PCDH11X: variants seen among roughly 807,000 people sequenced by gnomAD.
PCDH11X encodes protocadherin 11 X-linked.
Under a neutral mutation model 53.3 loss-of-function variants are expected in PCDH11X, and 18 were observed. The observed-to-expected ratio is 0.34, with a 90% CI of 0.23 to 0.50. PCDH11X has a LOEUF of 0.50. Ranked by LOEUF, PCDH11X falls within the 20% of genes least tolerant of loss-of-function variation. PCDH11X has a pLI of 0.98. For synonymous variants in PCDH11X, 279 were observed against 393.3 expected, an observed-to-expected ratio of 0.71 and a Z score of 3.44; for missense variants, 570 against 1,032.4, an observed-to-expected ratio of 0.55 and a Z score of 6.14.
intron 6 of PCDH11X, among the ~76,000 whole-genome samples, chrX:92,147,806 CCTTCCTTTCTTT>C (rs1336340376): frequency 0.024 from 1,534 of 65,241 alleles, 91 homozygotes; most frequent in African/African-American, 0.095. Context: ...TTCTTTTCTT[CCTTCCTTTCTTT>C]CTTTCTTTCT....
At chrX:92,575,474 C>T (rs1007158752) in intron 10 of PCDH11X, among the ~76,000 whole-genome samples, 16 of 108,034 alleles carry the variant, frequency 1.5e-4, no homozygotes, top group African/African-American at 5.3e-4. Flanking sequence ...CAAAAATAGA[C>T]TTTGTGGTCT....
At position 92,216,358 on chromosome X, in the gene PCDH11X, G is replaced by C. The variant is rs1376809058; in HGVS notation, c.3114+14903G>C. ...TAACCAATACAGAGAAGTGCTTAAA[G>C]GAGCTGATGGAGCTGAAAGCCAAGG... On this transcript the variant is annotated intron_variant, in intron 7 of 10. Coordinates refer to ENST00000682573, the MANE Select transcript of PCDH11X (RefSeq NM_032968.5). Among the ~76,000 whole-genome samples the C allele has an allele frequency of 2.8e-5, 3 of 106,906 alleles. No individual in the cohort carries two copies. In the South Asian group the frequency reaches 1.3e-3, roughly 47 times the overall value. The allele number at this position is 106,906 out of a possible 115,157, so 92.8% of individuals were successfully genotyped here.
Position 92,537,983 on chromosome X carries a change from T to TTTTA in PCDH11X, c.3367+69669_3367+69672dup, listed in dbSNP as rs1226124214. 1.2e-3 allele frequency among the ~76,000 whole-genome samples: 113 copies of TTTTA among 95,364 alleles called. 1 individual carries two copies. Among genetic ancestry groups the TTTTA allele is most frequent in the African/African-American group, 4.2e-3 (110 of 26,367 alleles). 82.8% of individuals were successfully genotyped at this position (95,364 alleles called of 115,157 possible). On this transcript the variant is annotated intron_variant, in intron 10 of 10. Transcript: ENST00000682573. Reference sequence around the variant, plus strand: ...TCTGTTTTACCGATTTGGATGTCCTTTTTATTTATTTGTTTATTTTCAGCA... The same window carrying TTTTA: ...TCTGTTTTACCGATTTGGATGTCCTTTTTATTTATTTATTTGTTTATTTTCAGCA...
At chrX:91,987,284 G>A (rs1008469474) in intron 6 of PCDH11X, among the ~76,000 whole-genome samples, 12 of 110,779 alleles carry the variant, frequency 1.1e-4, no homozygotes, top group Non-Finnish European at 2.1e-4. Flanking sequence ...GGGATTTCAC[G>A]TTGTCCAGGC....
chrX:92,164,764 C>T (rs2065703123), intron 6 of PCDH11X, among the ~76,000 whole-genome samples: 1 of 109,873 alleles, frequency 9.1e-6, no homozygotes, highest in Non-Finnish European at 1.9e-5. Flanking sequence ...TCTTAGAATT[C>T]CCACATGTCA....
chrX:92,515,367 G>C (rs5942278), intron 10 of PCDH11X: 3 of 166,440 alleles, frequency 1.8e-5, no homozygotes, highest in African/African-American at 9.4e-5. Context: ...GTGGTGAAGC[G>C]GCCCCAGCCG....
intron 9 of PCDH11X, among the ~76,000 whole-genome samples, chrX:92,441,301 T>C (rs1569487090): frequency 1.8e-5 from 2 of 110,399 alleles, no homozygotes; most frequent in Non-Finnish European, 3.8e-5. Flanking sequence ...TTTGCATAAT[T>C]AACTAGGAGC....
In PCDH11X at chrX:92,056,154, A is replaced by G. The variant is rs1207757181; in HGVS notation, c.3034-145221A>G. Among the ~76,000 whole-genome samples, 8 of 111,517 alleles carry G rather than the reference A, an allele frequency of 7.2e-5. No individual in the cohort carries two copies. The Admixed American group carries it at 7.6e-4, about 11-fold the overall frequency. Reference sequence around the variant, plus strand: ...GTTGAATTAATTTACACTCCCACCAACAGTATATAAGAATTCCTTTTTCTC... The same window carrying G: ...GTTGAATTAATTTACACTCCCACCAGCAGTATATAAGAATTCCTTTTTCTC... On this transcript the variant is annotated intron_variant, in intron 6 of 10. Transcript: ENST00000682573.
chrX:92,247,863 C>T (rs1014921356), intron 7 of PCDH11X, among the ~76,000 whole-genome samples: 9 of 111,211 alleles, frequency 8.1e-5, no homozygotes, highest in Non-Finnish European at 1.3e-4. Flanking sequence ...TTTTGGAGGG[C>T]GTTATTTCAC....
chrX:92,321,810 G>A (rs975007289), intron 8 of PCDH11X, among the ~76,000 whole-genome samples: 2 of 110,876 alleles, frequency 1.8e-5, no homozygotes, highest in Non-Finnish European at 3.8e-5. Flanking sequence ...TTTTTAAGTT[G>A]TTTTTCTGGG....
chrX:92,261,111 A>G (rs2067706438), intron 7 of PCDH11X, among the ~76,000 whole-genome samples: 1 of 110,028 alleles, frequency 9.1e-6, no homozygotes, highest in Non-Finnish European at 1.9e-5. Flanking sequence ...TCGGGTATCA[A>G]TTTACCCAGC....
intron 8 of PCDH11X, among the ~76,000 whole-genome samples, chrX:92,306,913 G>A (rs2068845044): frequency 9.0e-6 from 1 of 111,035 alleles, no homozygotes; most frequent in Non-Finnish European, 1.9e-5. Flanking sequence ...TCGTGCCACT[G>A]CACTCCAGCC....
In PCDH11X at chrX:92,266,743, C is replaced by CTT. The variant is rs201826040; in HGVS notation, c.3144+3613_3144+3614dup. ...GAATAGTGTAAGCAGTACTTATTTT[C>CTT]TTTTTTTTTTTTTTATGTGGAGACA... On this transcript the variant is annotated intron_variant, in intron 8 of 10. Transcript: ENST00000682573. Among the ~76,000 whole-genome samples, 11 of 98,300 alleles carry CTT rather than the reference C, an allele frequency of 1.1e-4. No homozygotes were observed. In the South Asian group the frequency reaches 2.4e-3, roughly 21 times the overall value. The allele number at this position is 98,300 out of a possible 115,157, so 85.4% of individuals were successfully genotyped here.
chrX:92,603,777 C>A (rs2556812), intron 10 of PCDH11X, among the ~76,000 whole-genome samples: 1,930 of 81,655 alleles, frequency 0.024, 60 homozygotes, highest in African/African-American at 0.036. Context: ...GAAATTCTTC[C>A]GACTGAAAGT....
intron 6 of PCDH11X, among the ~76,000 whole-genome samples, chrX:92,071,175 T>C (rs1355277347): frequency 9.1e-6 from 1 of 109,502 alleles, no homozygotes; most frequent in African/African-American, 3.4e-5. Context: ...TCATAGTTTT[T>C]TATTCTTTTT....
At chrX:92,144,300 G>A (rs750767804) in intron 6 of PCDH11X, among the ~76,000 whole-genome samples, 263 of 108,886 alleles carry the variant, frequency 2.4e-3, no homozygotes, top group African/African-American at 8.7e-3. Context: ...GGCCAGGGGC[G>A]AAATGATATG....
chrX:92,209,136 C>A (rs2066534294), intron 7 of PCDH11X, among the ~76,000 whole-genome samples: 1 of 111,264 alleles, frequency 9.0e-6, no homozygotes, highest in East Asian at 2.9e-4. Context: ...CATATCACTC[C>A]TCCACCAACC....
chrX:91,849,042 A>C (rs1471916747), intron 5 of PCDH11X, among the ~76,000 whole-genome samples: 1 of 109,939 alleles, frequency 9.1e-6, no homozygotes, highest in Non-Finnish European at 1.9e-5. Context: ...ATAGTCCCTA[A>C]TAAAAATAAT....
At chrX:91,921,763 A>G (rs1941747709) in intron 6 of PCDH11X, among the ~76,000 whole-genome samples, 1 of 108,393 alleles carries the variant, frequency 9.2e-6, no homozygotes, top group Non-Finnish European at 1.9e-5. Flanking sequence ...TAAAGCTGCT[A>G]TAAATATCTG....
Sources: allele counts gnomAD v4.1 joint callset (sites outside exome capture counted in the v4.1 genomes callset), GRCh38; gene constraint gnomAD v4.1.1; transcripts MANE v1.5; gene names NCBI Gene and HGNC (gene_info 2026-07-23, HGNC 2026-07-21).